IQCK: variants seen among roughly 807,000 people sequenced by gnomAD.
IQCK encodes the protein IQ motif containing K, also known as IQ domain-containing protein K.
IQCK carries 29 observed loss-of-function variants against 28.1 expected under a neutral mutation model. The observed-to-expected ratio is 1.03, with a 90% confidence interval of 0.77 to 1.41. The LOEUF (loss-of-function observed/expected upper bound fraction) is 1.41. Ranked by LOEUF, IQCK falls within the 40% of genes most tolerant of loss-of-function variation. The pLI, the probability that IQCK is intolerant of heterozygous loss-of-function variation, is 0.00. For missense variants in IQCK, 359 were observed against 314.7 expected, an observed-to-expected ratio of 1.14 and a Z score of -1.07; for synonymous variants, 113 against 115.1, an observed-to-expected ratio of 0.98 and a Z score of 0.12.
chr16:19,720,222 G>C (rs1459629373), intron 1 of IQCK, among the ~76,000 whole-genome samples: 1 of 152,166 alleles, frequency 6.6e-6, no homozygotes, highest in African/African-American at 2.4e-5. Flanking sequence ...CATTGTGCTA[G>C]AAAAATCCCT....
At chr16:19,777,202 G>C (rs1213700407) in intron 6 of IQCK, among the ~76,000 whole-genome samples, 1 of 152,094 alleles carries the variant, frequency 6.6e-6, no homozygotes, top group Non-Finnish European at 1.5e-5. Context: ...AAAAAAAGGT[G>C]GGGGGCTGGG....
chr16:19,823,800 G>T (rs1478567613), intron 7 of IQCK, among the ~76,000 whole-genome samples: 1 of 152,162 alleles, frequency 6.6e-6, no homozygotes, highest in Non-Finnish European at 1.5e-5. Context: ...AGATGGGGTG[G>T]TGCATGCCTG....
chr16:19,773,591 A>T (rs1051708709), intron 6 of IQCK, among the ~76,000 whole-genome samples: 2 of 152,200 alleles, frequency 1.3e-5, no homozygotes, highest in African/African-American at 2.4e-5. Flanking sequence ...ACAGTCTCTC[A>T]GCTACTCAAC....
intron 9 of IQCK, among the ~76,000 whole-genome samples, chr16:19,853,123 G>C (rs1380587160): frequency 6.6e-6 from 1 of 152,094 alleles, no homozygotes; most frequent in Non-Finnish European, 1.5e-5. Flanking sequence ...GTGGGATACG[G>C]GAGTGGAATC....
intron 7 of IQCK, among the ~76,000 whole-genome samples, chr16:19,805,381 A>G (rs1036115082): frequency 2.0e-5 from 3 of 152,182 alleles, no homozygotes; most frequent in African/African-American, 7.2e-5. Context: ...TAGTTAAGCA[A>G]GCAGGTGCTA....
At chr16:19,835,181 T>TG (rs1217962615) in intron 9 of IQCK, among the ~76,000 whole-genome samples, 1 of 151,946 alleles carries the variant, frequency 6.6e-6, no homozygotes, top group Non-Finnish European at 1.5e-5. Flanking sequence ...GCATGAGAAT[T>TG]GTGTGAACCA....
chr16:19,833,863 G>A lies in IQCK; in HGVS notation c.802+6726G>A, dbSNP rs556203672. On this transcript the variant is annotated intron_variant, in intron 9 of 9. Coordinates refer to the IQCK transcript ENST00000320394. ...CCCAGTGCTTTGGGAGGCCAAGGTG[G>A]GAGAATTGCTTGAGCCTAGGAGTTC... 2.6e-5 allele frequency among the ~76,000 whole-genome samples: 4 copies of A among 152,214 alleles called. No homozygotes were observed. In the East Asian group the frequency reaches 7.7e-4, roughly 29 times the overall value.
intron 4 of IQCK, among the ~76,000 whole-genome samples, chr16:19,740,220 G>A (rs2054813791): frequency 6.6e-6 from 1 of 152,048 alleles, no homozygotes; most frequent in South Asian, 2.1e-4. Flanking sequence ...TTTTTCATTT[G>A]CTCACTTGGC....
intron 6 of IQCK, among the ~76,000 whole-genome samples, chr16:19,782,055 G>A (rs745865580): frequency 1.3e-5 from 2 of 152,070 alleles, no homozygotes; most frequent in Admixed American, 1.3e-4. Context: ...AGGATGGAAG[G>A]CGAGGGCTGG....
intron 9 of IQCK, among the ~76,000 whole-genome samples, chr16:19,845,014 G>T (rs1329553499): frequency 6.6e-6 from 1 of 151,990 alleles, no homozygotes; most frequent in Non-Finnish European, 1.5e-5. Flanking sequence ...ACATTGCCCA[G>T]GCTGGTCTCG....
chr16:19,808,933 C>T (rs1225938281), intron 7 of IQCK, among the ~76,000 whole-genome samples: 2 of 152,248 alleles, frequency 1.3e-5, no homozygotes, highest in Admixed American at 1.3e-4. Context: ...TCTTGGCTCT[C>T]TGCAACCTCT....
intron 4 of IQCK, among the ~76,000 whole-genome samples, chr16:19,763,576 G>A (rs912173285): frequency 6.6e-6 from 1 of 152,098 alleles, no homozygotes; most frequent in South Asian, 2.1e-4. Flanking sequence ...CTGAGTAGCT[G>A]GGACTACAGG....
intron 4 of IQCK, among the ~76,000 whole-genome samples, chr16:19,743,516 T>C (rs940918663): frequency 1.4e-4 from 21 of 152,360 alleles, no homozygotes; most frequent in African/African-American, 4.8e-4. Flanking sequence ...AGCCTTGCTT[T>C]GTGCCAGATG....
intron 7 of IQCK, among the ~76,000 whole-genome samples, chr16:19,799,640 A>ACACACAC (rs1472985923): frequency 8.9e-6 from 1 of 111,800 alleles, no homozygotes; most frequent in African/African-American, 4.6e-5. Context: ...ACACACACAC[A>ACACACAC]CCCAGTGAAT....
At chr16:19,817,597 G>A (rs546156505) in intron 7 of IQCK, among the ~76,000 whole-genome samples, 47 of 152,296 alleles carry the variant, frequency 3.1e-4, no homozygotes, top group African/African-American at 1.1e-3. Context: ...CCAGAATGAT[G>A]AGGAAATGGA....
At chr16:19,773,825 G>T (rs1455335003) in intron 6 of IQCK, among the ~76,000 whole-genome samples, 1 of 152,206 alleles carries the variant, frequency 6.6e-6, no homozygotes, top group Non-Finnish European at 1.5e-5. Context: ...TAAGTAGTAG[G>T]TGGGAAAGAT....
At chr16:19,817,618 TTTGTTG>T (rs773547662) in intron 7 of IQCK, among the ~76,000 whole-genome samples, 9 of 152,076 alleles carry the variant, frequency 5.9e-5, no homozygotes, top group Non-Finnish European at 1.3e-4. Context: ...TGTTTCTGTT[TTTGTTG>T]TTGTTGTTGT....
intron 4 of IQCK, among the ~76,000 whole-genome samples, chr16:19,751,854 C>G (rs2054991052): frequency 6.6e-6 from 1 of 152,122 alleles, no homozygotes; most frequent in Non-Finnish European, 1.5e-5. Flanking sequence ...CTTATTGAAT[C>G]TGCATTGCCA....
chr16:19,723,171 T>C (rs1977550752), intron 1 of IQCK, among the ~76,000 whole-genome samples: 1 of 149,646 alleles, frequency 6.7e-6, no homozygotes, highest in Admixed American at 6.7e-5. Context: ...ACCCCCTGCT[T>C]AGATTGCTGC....
Sources: gnomAD v4.1 joint callset for allele counts (sites outside exome capture counted in the v4.1 genomes callset) on GRCh38, gnomAD v4.1.1 for gene constraint, MANE v1.5 for transcripts, NCBI Gene and HGNC (gene_info 2026-07-23, HGNC 2026-07-21) for gene names.